The following WASHC4 variants were observed in gnomAD, a reference collection of about 807,000 sequenced individuals.
WASHC4 encodes WASH complex subunit 4.
Under a neutral mutation model 166.6 loss-of-function variants are expected in WASHC4, and 86 were observed. The ratio of observed to expected loss-of-function variants is 0.52; its 90% CI spans 0.43 to 0.62. The LOEUF is 0.62. Ranked by LOEUF, WASHC4 falls within the 20% of genes least tolerant of loss-of-function variation. WASHC4 has a pLI of 0.00. For synonymous variants in WASHC4, 446 were observed against 451.6 expected (o/e 0.99, Z 0.16); for missense variants, 1,262 against 1,382.4 (o/e 0.91, Z 1.38).
chr12:105,130,084 A>G (rs1881661300), intron 13 of WASHC4, among the ~76,000 whole-genome samples: 1 of 152,242 alleles, frequency 6.6e-6, no homozygotes, highest in Non-Finnish European at 1.5e-5. Flanking sequence ...TACAGAGATT[A>G]AACTTGCCCA....
At chr12:105,115,591 C>A in intron 5 of WASHC4, 70 bp from the exon 6 acceptor site, 1 of 1,179,210 alleles carries the variant, frequency 8.5e-7, no homozygotes, top group Non-Finnish European at 1.3e-6. Flanking sequence ...AAAACTTTTC[C>A]CCCTTTTTTG....
chr12:105,146,544 ATTT>A lies in WASHC4; in HGVS notation c.2409+28_2409+30del. 8.0e-7 allele frequency: 1 copy of A among 1,251,158 alleles called. No homozygotes were observed. Among genetic ancestry groups the A allele is most frequent in the East Asian group, 2.5e-5 (1 of 39,242 alleles). The allele number at this position is 1,251,158 out of a possible 1,614,324, so 77.5% of individuals were successfully genotyped here. ...ACAATCAGGTGAGTAGGGTTTATAA[ATTT>A]TTTTTTTTTAATGTAGGTGGAGATA... On this transcript the variant is annotated intron_variant, in intron 23 of 32. Transcript: ENST00000332180.
At chr12:105,115,786 C>A in intron 6 of WASHC4, 58 bp downstream of exon 6, 1 of 1,087,266 alleles carries the variant, frequency 9.2e-7, no homozygotes, top group African/African-American at 1.5e-5. Flanking sequence ...GTAAATTACA[C>A]AACACGTAAA....
chr12:105,140,590 T>C (rs997000602), intron 16 of WASHC4, among the ~76,000 whole-genome samples, 189 bp downstream of exon 16: 9 of 152,234 alleles, frequency 5.9e-5, no homozygotes, highest in Non-Finnish European at 1.2e-4. Flanking sequence ...ACTGTGAAAT[T>C]GCAGCATGTA....
intron 10 of WASHC4, among the ~76,000 whole-genome samples, chr12:105,125,785 C>T (rs1170092189): frequency 6.6e-6 from 1 of 151,988 alleles, no homozygotes; most frequent in Non-Finnish European, 1.5e-5. Context: ...AATTTTATTA[C>T]TTTCACATAA....
At chr12:105,148,022 A>G in intron 24 of WASHC4, 1 of 985,386 alleles carries the variant, frequency 1.0e-6, no homozygotes, top group Non-Finnish European at 1.2e-6. Context: ...CCTGGTTTTC[A>G]GAGCACAGTT....
chr12:105,109,649 C>CTT (rs36080234), intron 1 of WASHC4, among the ~76,000 whole-genome samples: 7,137 of 97,536 alleles, frequency 0.073, 377 homozygotes, highest in Middle Eastern at 0.095. Context: ...CTAGCATTGT[C>CTT]TTTTTTTTTT....
At chr12:105,127,714 G>A (rs1452605686) in intron 13 of WASHC4, among the ~76,000 whole-genome samples, 2 of 151,982 alleles carry the variant, frequency 1.3e-5, no homozygotes, top group Non-Finnish European at 2.9e-5. Flanking sequence ...GTATATGCAT[G>A]TATATAAAAC....
At chr12:105,149,492 T>G in intron 24 of WASHC4, 123 bp from the exon 25 acceptor site, 1 of 995,050 alleles carries the variant, frequency 1.0e-6, no homozygotes, top group African/African-American at 1.7e-5. Context: ...TGAAATAGAC[T>G]TTTTAAATAG....
intron 2 of WASHC4, among the ~76,000 whole-genome samples, chr12:105,113,749 A>G (rs1879908664): frequency 6.6e-6 from 1 of 152,070 alleles, no homozygotes; most frequent in African/African-American, 2.4e-5. Flanking sequence ...TGAACTCCAC[A>G]TACTATTTTA....
At chr12:105,154,271 C>T (rs368952991) in intron 26 of WASHC4, among the ~76,000 whole-genome samples, 34 of 152,260 alleles carry the variant, frequency 2.2e-4, no homozygotes, top group African/African-American at 7.7e-4. Flanking sequence ...CCTCGTGATC[C>T]ATCCGCCTCT....
rs1294855604 is a variant in WASHC4 at position 105,111,150 on chromosome 12, G to A, written c.87G>A (p.Lys29=). The change falls in exon 2 of 33, where the codon AAG becomes AAA. Residue 29 remains lysine, a synonymous_variant. Coordinates refer to ENST00000332180, the MANE Select transcript of WASHC4 (RefSeq NM_015275.3). The stretch of plus-strand genomic sequence containing the variant: ...AAATTCATGCCGAAGTCCAACTTAA[G>A]AATTATGGGAAATTTCTTGAGGAGT... ...SQKIHAEVQL[K]NYGKFLEEYT... 1.9e-6 allele frequency: 3 copies of A among 1,607,066 alleles called. No individual in the cohort carries two copies. The highest frequency in any genetic ancestry group is 1.7e-5 in the Admixed American group (1 of 59,966).
At chr12:105,140,060 A>G (rs1324878102) in intron 15 of WASHC4, among the ~76,000 whole-genome samples, 1 of 151,814 alleles carries the variant, frequency 6.6e-6, no homozygotes. Context: ...TTTAGTAGAG[A>G]CAGGGTTTCA....
At chr12:105,109,702 C>T (rs1167869081) in intron 1 of WASHC4, among the ~76,000 whole-genome samples, 2 of 143,986 alleles carry the variant, frequency 1.4e-5, no homozygotes, top group South Asian at 2.2e-4. Flanking sequence ...CGCCCAGTGC[C>T]GTGGCATCGC....
chr12:105,131,834 T>A (rs1345687199), intron 13 of WASHC4, among the ~76,000 whole-genome samples: 1 of 152,214 alleles, frequency 6.6e-6, no homozygotes, highest in Non-Finnish European at 1.5e-5. Flanking sequence ...CTAATGGAAT[T>A]ATGGCTCTGT....
intron 31 of WASHC4, 82 bp from the exon 32 acceptor site, chr12:105,164,559 A>G: frequency 2.1e-6 from 2 of 951,334 alleles, no homozygotes; most frequent in African/African-American, 1.6e-5. Flanking sequence ...TAATAATAAG[A>G]GGCATAAAAA....
intron 25 of WASHC4, among the ~76,000 whole-genome samples, chr12:105,151,251 G>T (rs1883753108): frequency 6.6e-6 from 1 of 151,952 alleles, no homozygotes; most frequent in African/African-American, 2.4e-5. Context: ...TTGTTAAGTG[G>T]CAGCAGGCGC....
At position 105,166,943 on chromosome 12, in the gene WASHC4, T is replaced by C. The variant is rs747755835; in HGVS notation, c.*12T>C. 6 of 1,554,232 alleles carry C rather than the reference T, an allele frequency of 3.9e-6. No homozygotes were observed. In the Admixed American group the frequency reaches 1.0e-4, roughly 26 times the overall value. ...CTGTTGTGAAATGATACGGATGGTA[T>C]TCACTGCACATATGATGAAATCATC... On this transcript the variant is annotated 3_prime_UTR_variant, in exon 33 of 33. Coordinates refer to ENST00000332180, the MANE Select transcript of WASHC4 (RefSeq NM_015275.3).
At chr12:105,107,983 A>G in intron 1 of WASHC4, 122 bp downstream of exon 1, 1 of 776,644 alleles carries the variant, frequency 1.3e-6, no homozygotes, top group Non-Finnish European at 2.2e-6. Context: ...GACACTTCAG[A>G]GCCCTTGGGG....
Sources: allele counts gnomAD v4.1 joint callset (sites outside exome capture counted in the v4.1 genomes callset), GRCh38; gene constraint gnomAD v4.1.1; transcripts MANE v1.5; gene names NCBI Gene and HGNC (gene_info 2026-07-23, HGNC 2026-07-21).